The following R3HDM4 variants were observed in gnomAD, a reference collection of about 807,000 sequenced individuals.
R3HDM4 encodes R3H domain containing 4.
R3HDM4 carries 30 observed loss-of-function variants against 31.3 expected under a neutral mutation model. That is an observed-to-expected ratio of 0.96 (90% confidence interval 0.72 to 1.30). The LOEUF (loss-of-function observed/expected upper bound fraction) is 1.30, where lower values mean the gene tolerates loss of function less well. R3HDM4 is among the 50% of genes most tolerant of loss of function. The pLI is 0.00. For synonymous variants in R3HDM4, 196 were observed against 156.6 expected (o/e 1.25, Z -1.88); for missense variants, 444 against 366.1 (o/e 1.21, Z -1.74).
At chr19:903,573 TC>T (rs947260823) in intron 1 of R3HDM4, among the ~76,000 whole-genome samples, 1 of 152,134 alleles carries the variant, frequency 6.6e-6, no homozygotes, top group African/African-American at 2.4e-5. Context: ...AGGGGGGGCC[TC>T]ATGGATGGGG....
Position 902,084 on chromosome 19 carries a change from T to G in R3HDM4, c.118A>C (p.Arg40=). The G allele has an allele frequency of 6.2e-7, 1 of 1,613,824 alleles. No homozygotes were observed. The highest frequency in any genetic ancestry group is 8.5e-7 in the Non-Finnish European group (1 of 1,179,990). Residue 40 remains arginine (R), a synonymous_variant, in exon 2 of 8, where the codon AGA becomes CGA. Coordinates refer to ENST00000361574, the MANE Select transcript of R3HDM4 (RefSeq NM_138774.4). ...LPALASSQVK[R]LSASRRKQHF... ...TGTTTCCGCCTGGAAGCCGAGAGTC[T>G]CTTCACCTGGGAGCTGGCTAGGGCA...
Position 907,153 on chromosome 19 carries a change from C to T in R3HDM4, c.72-5023G>A, listed in dbSNP as rs1161847544. On this transcript the variant is annotated intron_variant, in intron 1 of 7. Transcript: ENST00000361574. The surrounding 1 kb of genome is among the most constrained non-coding windows in gnomAD (Gnocchi z 4.1). ...TTTGTAAACCAAGGCACAAAGTCAC[C>T]GCCCAAGCTCCCATTGCTGCAAAGA... is the stretch of plus-strand genomic sequence containing the variant. Among the ~76,000 whole-genome samples the T allele has an allele frequency of 6.6e-6, 1 of 152,148 alleles. No homozygotes were observed. Among genetic ancestry groups the T allele is most frequent in the East Asian group, 1.9e-4 (1 of 5,186 alleles).
intron 1 of R3HDM4, among the ~76,000 whole-genome samples, chr19:908,765 C>T (rs375658449): frequency 6.6e-6 from 1 of 151,488 alleles, no homozygotes; most frequent in African/African-American, 2.4e-5. Context: ...AACGGCCCCG[C>T]CCCCCACCTA....
In R3HDM4 at chr19:907,181, G is replaced by T. The variant is rs2036916062; in HGVS notation, c.72-5051C>A. On this transcript the variant is annotated intron_variant, in intron 1 of 7. Transcript: ENST00000361574. This position sits in a 1 kb window ranked among gnomAD's most constrained non-coding sequence, Gnocchi z 4.1. Reference sequence around the variant, plus strand: ...CCAAGCTCCCATTGCTGCAAAGAGGGCAGCTGGAGAAGGAGGTGGTGGACC... The same window carrying T: ...CCAAGCTCCCATTGCTGCAAAGAGGTCAGCTGGAGAAGGAGGTGGTGGACC... Among the ~76,000 whole-genome samples the T allele has an allele frequency of 6.6e-6, 1 of 152,178 alleles. No homozygotes were observed. Among genetic ancestry groups the T allele is most frequent in the African/African-American group, 2.4e-5 (1 of 41,436 alleles).
At position 899,042 on chromosome 19, in the gene R3HDM4, G is replaced by A. The variant is rs752040751; in HGVS notation, c.703+398C>T. Among the ~76,000 whole-genome samples, 52 of 152,086 alleles carry A rather than the reference G, an allele frequency of 3.4e-4. No individual in the cohort carries two copies. Among genetic ancestry groups the A allele is most frequent in the African/African-American group, 4.1e-4 (17 of 41,408 alleles). ...AGCGCAGGGGCCAGTAGGGGGTCTC[G>A]CCTGAGGTCCCACGTGTGGTATGTG... On this transcript the variant is annotated intron_variant, in intron 7 of 7. Coordinates refer to ENST00000361574, the MANE Select transcript of R3HDM4 (RefSeq NM_138774.4). This position sits in a 1 kb window ranked among gnomAD's most constrained non-coding sequence, Gnocchi z 6.8.
At chr19:898,381 G>C (rs1224216572) in intron 7 of R3HDM4, among the ~76,000 whole-genome samples, 1 of 140,874 alleles carries the variant, frequency 7.1e-6, no homozygotes, top group African/African-American at 2.6e-5. Context: ...CTCCAGCATG[G>C]GTGACAGAGC....
chr19:903,720 C>A, intron 1 of R3HDM4, among the ~76,000 whole-genome samples: 1 of 152,106 alleles, frequency 6.6e-6, no homozygotes. Context: ...TGCAATACCG[C>A]GCGCTCCAGC....
intron 1 of R3HDM4, among the ~76,000 whole-genome samples, chr19:908,643 C>T (rs2036934769): frequency 6.6e-6 from 1 of 151,952 alleles, no homozygotes; most frequent in Admixed American, 6.6e-5. Flanking sequence ...ATAAAAAAAT[C>T]CCACGTCCAG....
chr19:899,479 G>C lies in R3HDM4; in HGVS notation c.664C>G (p.Leu222Val). The change falls in exon 7 of 8, where the codon CTG (leucine) becomes GTG (valine). Residue 222 changes from leucine (L) to valine (V), a missense_variant. Coordinates refer to ENST00000361574, the MANE Select transcript of R3HDM4 (RefSeq NM_138774.4). This position sits in a 1 kb window ranked among gnomAD's most constrained non-coding sequence, Gnocchi z 6.8. ...TCCATGTACTGGCAGACAGCGTGCAGCAGAAGCCTCTCGAAGCTGTGGGGA... is the reference window on the plus strand; with the variant it reads ...TCCATGTACTGGCAGACAGCGTGCACCAGAAGCCTCTCGAAGCTGTGGGGA... Reference protein sequence around the residue: ...MLDNSFERLLLHAVCQYMDLI... With the variant: ...MLDNSFERLLVHAVCQYMDLI... 1 of 1,613,680 alleles carries C rather than the reference G, an allele frequency of 6.2e-7. No homozygotes were observed. Among genetic ancestry groups the C allele is most frequent in the African/African-American group, 1.3e-5 (1 of 75,050 alleles).
intron 1 of R3HDM4, among the ~76,000 whole-genome samples, chr19:911,019 G>C (rs1232246958): frequency 6.6e-6 from 1 of 152,134 alleles, no homozygotes; most frequent in African/African-American, 2.4e-5. Context: ...TACTCGGGAG[G>C]CTGAGGCAGG....
chr19:902,245 T>A, intron 1 of R3HDM4, 115 bp from the exon 2 acceptor site: 1 of 1,174,894 alleles, frequency 8.5e-7, no homozygotes, highest in African/African-American at 1.5e-5. Flanking sequence ...AGCTCACCCC[T>A]ACGGTGTGTG....
chr19:897,608 G>T, intron 7 of R3HDM4, 68 bp from the exon 8 acceptor site: 2 of 1,213,724 alleles, frequency 1.6e-6, no homozygotes, highest in South Asian at 1.4e-5. Flanking sequence ...AGGTGCCTCG[G>T]ACCTGCACCA....
In R3HDM4 at chr19:900,059, A is replaced by G; in HGVS notation, c.561+2T>C. Reference sequence around the variant, plus strand: ...AGGGAGGCCCGGCAATCCCCCACTCACCATGGGGATGCGGCTGCGCTTGAG... The same window carrying G: ...AGGGAGGCCCGGCAATCCCCCACTCGCCATGGGGATGCGGCTGCGCTTGAG... On this transcript the variant is annotated splice_donor_variant, in intron 5 of 7. Coordinates refer to ENST00000361574, the MANE Select transcript of R3HDM4 (RefSeq NM_138774.4). LOFTEE classifies it high-confidence loss of function. The G allele has an allele frequency of 1.2e-6, 2 of 1,610,500 alleles. No individual in the cohort carries two copies. Among genetic ancestry groups the G allele is most frequent in the Non-Finnish European group, 1.7e-6 (2 of 1,178,312 alleles).
At chr19:912,834 G>A (rs2036996560) in intron 1 of R3HDM4, among the ~76,000 whole-genome samples, 1 of 151,718 alleles carries the variant, frequency 6.6e-6, no homozygotes, top group African/African-American at 2.4e-5. Flanking sequence ...CCCCCAGCGA[G>A]CCCCCGGAGC....
At chr19:912,956 C>T (rs1698964982) in intron 1 of R3HDM4, 131 bp downstream of exon 1, 4 of 234,810 alleles carry the variant, frequency 1.7e-5, no homozygotes, top group Non-Finnish European at 2.6e-5. Context: ...AGATGAGCAA[C>T]GGGAGCGAGG....
At chr19:906,162 A>C (rs1230638855) in intron 1 of R3HDM4, among the ~76,000 whole-genome samples, 13 of 145,054 alleles carry the variant, frequency 9.0e-5, no homozygotes, top group South Asian at 2.2e-4. Context: ...GTAGCTGGGT[A>C]TACAGGCGCC....
chr19:908,253 G>A (rs1197950785), intron 1 of R3HDM4, among the ~76,000 whole-genome samples: 1 of 151,842 alleles, frequency 6.6e-6, no homozygotes, highest in Non-Finnish European at 1.5e-5. Context: ...TAGACAGGGG[G>A]GCCTGGGAGT....
At chr19:911,535 T>C (rs767820952) in intron 1 of R3HDM4, among the ~76,000 whole-genome samples, 1 of 152,236 alleles carries the variant, frequency 6.6e-6, no homozygotes, top group Non-Finnish European at 1.5e-5. Flanking sequence ...CCCGCCGCAG[T>C]GCCAGCTCGG....
chr19:898,043 G>A (rs1287373361), intron 7 of R3HDM4, among the ~76,000 whole-genome samples: 1 of 152,102 alleles, frequency 6.6e-6, no homozygotes, highest in Non-Finnish European at 1.5e-5. Flanking sequence ...CAAGGCAGGA[G>A]GATCATCTGA....
Sources: gnomAD v4.1 joint callset for allele counts (sites outside exome capture counted in the v4.1 genomes callset) on GRCh38, gnomAD v4.1.1 for gene constraint, Gnocchi (gnomAD v3.1) non-coding constraint, MANE v1.5 for transcripts, NCBI Gene and HGNC (gene_info 2026-07-23, HGNC 2026-07-21) for gene names.